MAPK9: variants seen among roughly 807,000 people sequenced by gnomAD.
MAPK9 encodes Jun kinase.
A neutral mutation model predicts 57.1 loss-of-function variants in MAPK9; 30 were observed. That is an observed-to-expected ratio of 0.53 (90% CI 0.39 to 0.71). The LOEUF is 0.71. MAPK9 is among the 30% of genes least tolerant of loss of function. MAPK9 has a pLI of 0.00. For missense variants in MAPK9, 362 were observed against 521.0 expected (o/e 0.69, Z 2.97); for synonymous variants, 155 against 177.0 (o/e 0.88, Z 0.99).
At chr5:180,255,727 C>T (rs952346495) in intron 5 of MAPK9, among the ~76,000 whole-genome samples, 14 of 152,162 alleles carry the variant, frequency 9.2e-5, no homozygotes, top group African/African-American at 3.1e-4. Context: ...CGAGGAAGGC[C>T]GAGGGTGAGG....
chr5:180,251,335 AC>A lies in MAPK9; in HGVS notation c.451-2198del, dbSNP rs1228201540. On this transcript the variant is annotated intron_variant, in intron 5 of 11. Coordinates refer to ENST00000452135, the MANE Select transcript of MAPK9 (RefSeq NM_002752.5). ...CAAGGACAGCCTGGTTCTACCAAGG[AC>A]AGACGCAGCAGTGGAACCATCTCCA... 2.6e-5 allele frequency among the ~76,000 whole-genome samples: 4 copies of A among 152,184 alleles called. No individual in the cohort carries two copies. The South Asian group carries it at 8.3e-4, about 32-fold the overall frequency.
chr5:180,281,433 G>A (rs1008317237), intron 1 of MAPK9, among the ~76,000 whole-genome samples: 24 of 152,220 alleles, frequency 1.6e-4, no homozygotes, highest in Admixed American at 6.5e-5. Context: ...CAGAAAACAA[G>A]CAAACAAATT....
At chr5:180,246,203 TTTTC>T (rs1171670894) in intron 7 of MAPK9, 27 of 152,352 alleles carry the variant, frequency 1.8e-4, no homozygotes, top group South Asian at 6.2e-4. Context: ...GTCTTTTAAT[TTTTC>T]AACTTTTCCC....
At chr5:180,276,888 A>AT (rs2127616896) in intron 2 of MAPK9, among the ~76,000 whole-genome samples, 1 of 151,864 alleles carries the variant, frequency 6.6e-6, no homozygotes, top group South Asian at 2.1e-4. Context: ...TTAAAAACTT[A>AT]TTTCCTAATA....
chr5:180,255,024 A>G (rs927381821), intron 5 of MAPK9, among the ~76,000 whole-genome samples: 1 of 151,908 alleles, frequency 6.6e-6, no homozygotes, highest in African/African-American at 2.4e-5. Flanking sequence ...ACAGAGCGAG[A>G]CTCCATCTAA....
chr5:180,261,635 A>T, intron 5 of MAPK9, 49 bp downstream of exon 5: 1 of 1,502,292 alleles, frequency 6.7e-7, no homozygotes, highest in Non-Finnish European at 9.0e-7. Context: ...AAGGATTATG[A>T]CAACCAAATG....
At chr5:180,272,330 G>T (rs545812823) in intron 2 of MAPK9, among the ~76,000 whole-genome samples, 273 of 152,326 alleles carry the variant, frequency 1.8e-3, no homozygotes, top group South Asian at 3.7e-3. Context: ...TCAATTTTCT[G>T]TGAGAACTTT....
At chr5:180,277,177 T>G (rs1360014071) in intron 2 of MAPK9, among the ~76,000 whole-genome samples, 3 of 152,242 alleles carry the variant, frequency 2.0e-5, no homozygotes, top group African/African-American at 7.2e-5. Context: ...TGAATTAGTT[T>G]CCTATTGCTA....
intron 8 of MAPK9, among the ~76,000 whole-genome samples, chr5:180,241,595 A>G (rs945930180): frequency 2.0e-5 from 3 of 152,248 alleles, no homozygotes; most frequent in Admixed American, 6.5e-5. Flanking sequence ...CGCCGCACCC[A>G]GCCATAACCC....
intron 4 of MAPK9, 114 bp from the exon 5 acceptor site, chr5:180,261,936 T>C (rs930204002): frequency 2.5e-6 from 2 of 787,406 alleles, no homozygotes; most frequent in South Asian, 3.3e-5. Flanking sequence ...AGTAAAAAGA[T>C]AACTTGGTAT....
intron 3 of MAPK9, among the ~76,000 whole-genome samples, chr5:180,267,070 G>A (rs1760638582): frequency 6.6e-6 from 1 of 152,152 alleles, no homozygotes; most frequent in Admixed American, 6.5e-5. Flanking sequence ...CATTGCACGA[G>A]GAGAAAAGCA....
At chr5:180,244,710 G>A (rs1304365033) in intron 7 of MAPK9, among the ~76,000 whole-genome samples, 1 of 151,024 alleles carries the variant, frequency 6.6e-6, no homozygotes, top group African/African-American at 2.4e-5. Flanking sequence ...GGAGGTAGAG[G>A]TTGCAGTGAG....
rs529378403 is a variant in MAPK9, at chr5:180,285,805, G to A, written c.-47-5197C>T. On this transcript the variant is annotated intron_variant, in intron 1 of 11. Coordinates refer to ENST00000452135, the MANE Select transcript of MAPK9 (RefSeq NM_002752.5). ...AATAATAGTAAAAATCTGGCCGGGT[G>A]CGGTGGCTCACACCTGTAATCCCAG... 2.1e-3 allele frequency among the ~76,000 whole-genome samples: 321 copies of A among 151,750 alleles called. 2 individuals carry two copies. The highest frequency in any genetic ancestry group is 7.6e-3 in the African/African-American group (315 of 41,412).
In MAPK9 at chr5:180,248,000, A is replaced by C; in HGVS notation, c.617-490T>G. 7.1e-7 allele frequency: 1 copy of C among 1,413,132 alleles called. No homozygotes were observed. The highest frequency in any genetic ancestry group is 9.8e-7 in the Non-Finnish European group (1 of 1,024,760). 87.5% of individuals were successfully genotyped at this position (1,413,132 alleles called of 1,614,324 possible). On this transcript the variant is annotated intron_variant, in intron 6 of 11. Coordinates refer to ENST00000452135, the MANE Select transcript of MAPK9 (RefSeq NM_002752.5). This position sits in a 1 kb window ranked among gnomAD's most constrained non-coding sequence, Gnocchi z 4.5. Reference sequence around the variant, plus strand: ...TTCTTCAAACCCCCTCCCAGGACAAACCCGGTACACGTCACTAGCTTGCCG... The same window carrying C: ...TTCTTCAAACCCCCTCCCAGGACAACCCCGGTACACGTCACTAGCTTGCCG...
intron 2 of MAPK9, among the ~76,000 whole-genome samples, chr5:180,272,730 AT>A (rs1761454759): frequency 6.6e-6 from 1 of 152,210 alleles, no homozygotes; most frequent in Non-Finnish European, 1.5e-5. Context: ...GTATAACTAT[AT>A]CACATTACGT....
chr5:180,261,410 T>C (rs1038599405), intron 5 of MAPK9, among the ~76,000 whole-genome samples: 4 of 152,252 alleles, frequency 2.6e-5, no homozygotes, highest in South Asian at 4.1e-4. Flanking sequence ...AGTTTTAAGT[T>C]ACTTTAAAAT....
intron 1 of MAPK9, among the ~76,000 whole-genome samples, chr5:180,285,938 G>C (rs1231120955): frequency 4.0e-5 from 6 of 150,746 alleles, no homozygotes; most frequent in Admixed American, 1.3e-4. Context: ...AAATTAGCCG[G>C]GTGTGGTGGC....
chr5:180,258,051 G>T (rs765204752), intron 5 of MAPK9: 2 of 152,326 alleles, frequency 1.3e-5, no homozygotes, highest in Admixed American at 6.5e-5. Context: ...CTGGTAACAG[G>T]CCTCATAAAT....
At position 180,247,891 on chromosome 5, in the gene MAPK9, T is replaced by C; in HGVS notation, c.617-381A>G. On this transcript the variant is annotated intron_variant, in intron 6 of 11. Coordinates refer to ENST00000452135, the MANE Select transcript of MAPK9 (RefSeq NM_002752.5). This position sits in a 1 kb window ranked among gnomAD's most constrained non-coding sequence, Gnocchi z 4.5. ...GGGAACAGGACTTTATGGAGGACCA[T>C]TTCTGCCATGATGCACCCGACAGAC... is the stretch of plus-strand genomic sequence containing the variant. 1 of 1,614,082 alleles carries C rather than the reference T, an allele frequency of 6.2e-7. No individual in the cohort carries two copies. The highest frequency in any genetic ancestry group is 8.5e-7 in the Non-Finnish European group (1 of 1,180,000).
Sources: allele counts gnomAD v4.1 joint callset (sites outside exome capture counted in the v4.1 genomes callset), GRCh38; gene constraint gnomAD v4.1.1; non-coding constraint Gnocchi (gnomAD v3.1); transcripts MANE v1.5; gene names NCBI Gene and HGNC (gene_info 2026-07-23, HGNC 2026-07-21).